GRID2: variants seen among roughly 807,000 people sequenced by gnomAD.
GRID2 encodes the protein glutamate receptor ionotropic, delta-2.
In GRID2, 33 loss-of-function variants were observed where a neutral mutation model predicts 114.8. The ratio of observed to expected loss-of-function variants is 0.29; its 90% confidence interval spans 0.22 to 0.38. The LOEUF is 0.38. Ranked by LOEUF, GRID2 falls within the 10% of genes least tolerant of loss-of-function variation. GRID2 has a pLI of 1.00. For missense variants in GRID2, 1,184 were observed against 1,257.7 expected (o/e 0.94, Z 0.89); for synonymous variants, 505 against 449.9 (o/e 1.12, Z -1.55).
At chr4:92,366,062 TA>T (rs1728846462) in intron 1 of GRID2, among the ~76,000 whole-genome samples, 1 of 152,140 alleles carries the variant, frequency 6.6e-6, no homozygotes, top group Admixed American at 6.6e-5. Context: ...ACTTCCCTTG[TA>T]CTTTGCTCTT....
chr4:92,893,723 TTAAG>T (rs1469150348), intron 2 of GRID2, among the ~76,000 whole-genome samples: 11 of 152,182 alleles, frequency 7.2e-5, no homozygotes, highest in East Asian at 3.9e-4. Context: ...GTGAAAGAAA[TTAAG>T]TAAGAATGCA....
Position 92,495,895 on chromosome 4 carries a change from C to T in GRID2, c.89-94236C>T, listed in dbSNP as rs566494583. Among the ~76,000 whole-genome samples, 7 of 151,904 alleles carry T rather than the reference C, an allele frequency of 4.6e-5. No individual in the cohort carries two copies. In the South Asian group the frequency reaches 1.5e-3, roughly 32 times the overall value. ...CGGAAAGATTTTAGATAGTATTCAA[C>T]TCCATGACATTGGCAACTATACCCA... On this transcript the variant is annotated intron_variant, in intron 1 of 15. Transcript: ENST00000282020.
At chr4:92,819,889 G>A (rs1248951212) in intron 2 of GRID2, among the ~76,000 whole-genome samples, 1 of 152,018 alleles carries the variant, frequency 6.6e-6, no homozygotes, top group Non-Finnish European at 1.5e-5. Flanking sequence ...AGTCTGTCTT[G>A]TTTTGATAAT....
chr4:93,496,931 T>C (rs966179114), intron 12 of GRID2, among the ~76,000 whole-genome samples: 1 of 151,870 alleles, frequency 6.6e-6, no homozygotes, highest in Non-Finnish European at 1.5e-5. Context: ...GTTAAGTATA[T>C]ATTTGTTTTT....
At chr4:92,684,604 A>T (rs2149287424) in intron 2 of GRID2, among the ~76,000 whole-genome samples, 1 of 152,130 alleles carries the variant, frequency 6.6e-6, no homozygotes, top group South Asian at 2.1e-4. Flanking sequence ...AATTCCAATT[A>T]TTTGTATTTA....
intron 13 of GRID2, among the ~76,000 whole-genome samples, chr4:93,550,262 T>C (rs1162143848): frequency 1.3e-5 from 2 of 152,070 alleles, no homozygotes; most frequent in Admixed American, 1.3e-4. Context: ...GGTTTTTAAA[T>C]CTAATTTTTT....
chr4:92,476,963 G>A (rs200230892), intron 1 of GRID2, among the ~76,000 whole-genome samples: 2,048 of 142,266 alleles, frequency 0.014, 46 homozygotes, highest in African/African-American at 0.05. Flanking sequence ...ATGAAATGAA[G>A]TTATTTAAAA....
chr4:93,326,876 A>T (rs1056509590), intron 8 of GRID2, among the ~76,000 whole-genome samples: 1 of 152,216 alleles, frequency 6.6e-6, no homozygotes, highest in African/African-American at 2.4e-5. Flanking sequence ...TATATAGAAG[A>T]TGTTTTAAAA....
intron 13 of GRID2, among the ~76,000 whole-genome samples, chr4:93,560,912 TTATTTAATATTTATTTGATAAATATTTA>T (rs11272333): frequency 0.77 from 116,161 of 150,212 alleles, 45,568 homozygotes; most frequent in African/African-American, 0.9. Context: ...ATAAATATTT[TTATTTAATATTTATTTGATAAATATTTA>T]TATTTAATAT....
intron 2 of GRID2, among the ~76,000 whole-genome samples, chr4:93,071,866 GA>G (rs930743368): frequency 6.6e-6 from 1 of 151,692 alleles, no homozygotes; most frequent in Non-Finnish European, 1.5e-5. Context: ...ATTCATAAAA[GA>G]AAAAAAATTA....
At chr4:92,989,881 AC>A (rs1754759760) in intron 2 of GRID2, among the ~76,000 whole-genome samples, 1 of 152,178 alleles carries the variant, frequency 6.6e-6, no homozygotes, top group Non-Finnish European at 1.5e-5. Flanking sequence ...GAAAGAAAAA[AC>A]ATACAGAAAT....
intron 8 of GRID2, among the ~76,000 whole-genome samples, chr4:93,290,872 C>CTTTTTTTTTTTTTT (rs56735687): frequency 1.1e-5 from 1 of 88,530 alleles, no homozygotes; most frequent in Non-Finnish European, 2.1e-5. Context: ...ATACAAGTTA[C>CTTTTTTTTTTTTTT]TTTTTTTTTT....
intron 2 of GRID2, among the ~76,000 whole-genome samples, chr4:92,859,600 T>C (rs1338991742): frequency 6.6e-6 from 1 of 152,220 alleles, no homozygotes; most frequent in Non-Finnish European, 1.5e-5. Context: ...TTCCTTGGAT[T>C]ATATTTCCAG....
At chr4:93,411,431 A>AC (rs1560592267) in intron 9 of GRID2, among the ~76,000 whole-genome samples, 2 of 146,746 alleles carry the variant, frequency 1.4e-5, no homozygotes, top group African/African-American at 5.0e-5. Flanking sequence ...AATTGAATAG[A>AC]TTTTTTTTTT....
intron 2 of GRID2, chr4:92,822,680 T>G (rs2149388864): frequency 6.3e-6 from 1 of 159,222 alleles, no homozygotes; most frequent in South Asian, 1.7e-4. Context: ...GGTTTCCATC[T>G]CAGGAGGCTG....
chr4:92,446,155 C>T (rs530769077), intron 1 of GRID2, among the ~76,000 whole-genome samples: 1 of 152,202 alleles, frequency 6.6e-6, no homozygotes, highest in Admixed American at 6.5e-5. Flanking sequence ...CTATGTTGGC[C>T]AGGATGATCT....
intron 14 of GRID2, among the ~76,000 whole-genome samples, chr4:93,665,086 G>T (rs1723833908): frequency 6.6e-6 from 1 of 152,090 alleles, no homozygotes; most frequent in East Asian, 1.9e-4. Context: ...GATCCCCATT[G>T]CATACCATCC....
intron 2 of GRID2, among the ~76,000 whole-genome samples, chr4:92,721,619 A>T (rs1371403646): frequency 6.6e-6 from 1 of 152,164 alleles, no homozygotes; most frequent in East Asian, 1.9e-4. Context: ...AGTAGACAGA[A>T]TTATAGCATT....
At chr4:93,211,855 C>T (rs1192658594) in intron 5 of GRID2, among the ~76,000 whole-genome samples, 1 of 152,104 alleles carries the variant, frequency 6.6e-6, no homozygotes, top group Admixed American at 6.6e-5. Flanking sequence ...TAAACAAAAA[C>T]CATTATTGGC....
Sources: gnomAD v4.1 joint callset for allele counts (sites outside exome capture counted in the v4.1 genomes callset) on GRCh38, gnomAD v4.1.1 for gene constraint, MANE v1.5 for transcripts, NCBI Gene and HGNC (gene_info 2026-07-23, HGNC 2026-07-21) for gene names.